The following COL5A3 variants were observed in gnomAD, a reference collection of about 807,000 sequenced individuals.
COL5A3 encodes the protein collagen alpha-3(V) chain.
COL5A3 carries 172 observed loss-of-function variants against 250.0 expected under a neutral mutation model. The ratio of observed to expected loss-of-function variants is 0.69; its 90% CI spans 0.61 to 0.78. The LOEUF is 0.78. COL5A3 is among the 30% of genes least tolerant of loss of function. The pLI is 0.00. For synonymous variants in COL5A3, 937 were observed against 900.4 expected (o/e 1.04, Z -0.73); for missense variants, 2,340 against 2,334.4 (o/e 1.00, Z -0.05).
intron 50 of COL5A3, 104 bp from the exon 51 acceptor site, chr19:9,973,130 G>T: frequency 9.4e-7 from 1 of 1,066,452 alleles, no homozygotes; most frequent in Non-Finnish European, 1.4e-6. Flanking sequence ...CTTTTCTGGG[G>T]TCAGGGTTCA....
rs1599556861 is a variant in COL5A3 at position 9,990,501 on chromosome 19, A to T, written c.1993-979T>A. Among the ~76,000 whole-genome samples, 3 of 152,108 alleles carry T rather than the reference A, an allele frequency of 2.0e-5. No individual in the cohort carries two copies. In the South Asian group the frequency reaches 6.2e-4, roughly 32 times the overall value. On this transcript the variant is annotated intron_variant, in intron 24 of 66. Coordinates refer to ENST00000264828, the MANE Select transcript of COL5A3 (RefSeq NM_015719.4). ...ACATGATTCTTATGCGCATGCCTGT[A>T]TCAAAACATCTCATGTACTCCATAA...
chr19:9,981,884 A>G (rs566485350), intron 32 of COL5A3, among the ~76,000 whole-genome samples, 181 bp downstream of exon 32: 1 of 152,374 alleles, frequency 6.6e-6, no homozygotes, highest in African/African-American at 2.4e-5. Flanking sequence ...AGTCATATTC[A>G]TGATAATACC....
chr19:9,986,531 C>T, intron 29 of COL5A3, 22 bp downstream of exon 29: 1 of 1,613,772 alleles, frequency 6.2e-7, no homozygotes, highest in Non-Finnish European at 8.5e-7. Flanking sequence ...CCACACCACC[C>T]CTCATCTGGA....
intron 51 of COL5A3, 75 bp downstream of exon 51, chr19:9,972,844 A>C: frequency 8.2e-7 from 1 of 1,215,536 alleles, no homozygotes; most frequent in Non-Finnish European, 1.1e-6. Context: ...CAAAAAAAAA[A>C]AAAAGTTTGG....
In COL5A3 at chr19:9,968,628, A is replaced by G; in HGVS notation, c.4206+47T>C. 1 of 1,600,862 alleles carries G rather than the reference A, an allele frequency of 6.2e-7. No individual in the cohort carries two copies. The highest frequency in any genetic ancestry group is 8.5e-7 in the Non-Finnish European group (1 of 1,170,214). ...CAGCCCCCCAGCCAGGGAGGGAGGG[A>G]AAGAGGGGAGGAGATGGGGAAGAGA... is the stretch of plus-strand genomic sequence containing the variant. On this transcript the variant is annotated intron_variant, in intron 58 of 66. Transcript: ENST00000264828. The surrounding 1 kb of genome is among the most constrained non-coding windows in gnomAD (Gnocchi z 4.1).
intron 64 of COL5A3, among the ~76,000 whole-genome samples, chr19:9,964,405 G>A (rs1415310722): frequency 6.6e-6 from 1 of 152,100 alleles, no homozygotes; most frequent in African/African-American, 2.4e-5. Flanking sequence ...TTCAAGACCA[G>A]CCTGGGCAAC....
chr19:10,004,200 C>T, intron 4 of COL5A3, 55 bp from the exon 5 acceptor site: 1 of 1,334,438 alleles, frequency 7.5e-7, no homozygotes, highest in South Asian at 1.2e-5. Context: ...CATAGGCTTA[C>T]TCTGACCCCC....
rs755358335 is a variant in COL5A3 at position 9,993,410 on chromosome 19, T to A, written c.1719A>T (p.Gln573His). ...GQRGDFGHVG[Q>H]PGPPGEDGER... is the part of the protein sequence containing the mutation. Reference sequence around the variant, plus strand: ...CACCATCCTCTCCTGGGGGACCGGGTTGCCCCACATGGCCAAAGTCACCCT... The same window carrying A: ...CACCATCCTCTCCTGGGGGACCGGGATGCCCCACATGGCCAAAGTCACCCT... The change falls in exon 19 of 67, where the codon CAA (glutamine) becomes CAT (histidine). Residue 573 changes from glutamine (Q) to histidine (H), a missense_variant. Gln to His is a conservative substitution (Grantham distance 24). This residue lies in a region of COL5A3 where 1,152 missense variants were observed against 1,146.3 expected (regional missense o/e 1.00). Coordinates refer to ENST00000264828, the MANE Select transcript of COL5A3 (RefSeq NM_015719.4). 5.6e-6 allele frequency: 9 copies of A among 1,614,088 alleles called. No homozygotes were observed. In the South Asian group the frequency reaches 9.9e-5, roughly 18 times the overall value.
intron 35 of COL5A3, among the ~76,000 whole-genome samples, 153 bp downstream of exon 35, chr19:9,980,495 G>T (rs890750414): frequency 6.6e-6 from 1 of 152,102 alleles, no homozygotes; most frequent in African/African-American, 2.4e-5. Flanking sequence ...CAGCATAGGT[G>T]GGACTACAGG....
At chr19:9,980,202 C>T (rs1312208233) in intron 35 of COL5A3, among the ~76,000 whole-genome samples, 155 bp from the exon 36 acceptor site, 2 of 152,216 alleles carry the variant, frequency 1.3e-5, no homozygotes, top group Non-Finnish European at 2.9e-5. Flanking sequence ...ATTTTATTCA[C>T]CACTGTAGCC....
Position 9,966,620 on chromosome 19 carries a change from G to T in COL5A3, c.4585C>A (p.Gln1529Lys). 1 of 1,538,900 alleles carries T rather than the reference G, an allele frequency of 6.5e-7. No homozygotes were observed. ...SLTSLSLELE[Q>K]LRRPPGTAER... ...GCAGTGCCGGGAGGACGCCGCAGCT[G>T]CTCCAGCTCCAAGCTCAGCGATGTG... Residue 1529 changes from glutamine (Q) to lysine (K), a missense_variant, in exon 63 of 67, where the codon CAG becomes AAG. Around this residue, in one of 3 missense-constraint regions of COL5A3, gnomAD observed 1,179 missense variants for 1,162.6 expected, o/e 1.01. Transcript: ENST00000264828.
intron 27 of COL5A3, among the ~76,000 whole-genome samples, chr19:9,988,717 G>A (rs548943868): frequency 6.0e-5 from 9 of 151,068 alleles, no homozygotes; most frequent in Non-Finnish European, 1.3e-4. Context: ...TGCAGTCCCA[G>A]CTACTCAGGA....
chr19:9,959,701 G>A lies in COL5A3; in HGVS notation c.*710C>T, dbSNP rs1252491910. ...GAAGCAGATGAAATCTACAACAGGGGGGACTTTCCCTTTTAATACAGACCC... is the reference window on the plus strand; with the variant it reads ...GAAGCAGATGAAATCTACAACAGGGAGGACTTTCCCTTTTAATACAGACCC... On this transcript the variant is annotated 3_prime_UTR_variant, in exon 67 of 67. Transcript: ENST00000264828. The A allele has an allele frequency of 6.6e-6, 1 of 152,540 alleles. No homozygotes were observed. Among genetic ancestry groups the A allele is most frequent in the Non-Finnish European group, 1.5e-5 (1 of 68,070 alleles). The allele number at this position is 152,540 out of a possible 1,614,324, so 9.4% of individuals were successfully genotyped here.
chr19:9,971,177 C>T, intron 52 of COL5A3, 28 bp downstream of exon 52: 1 of 1,532,250 alleles, frequency 6.5e-7, no homozygotes. Context: ...AGGAAATATG[C>T]CAGGATTGGG....
intron 45 of COL5A3, 52 bp from the exon 46 acceptor site, chr19:9,974,460 C>T (rs576610594): frequency 7.3e-7 from 1 of 1,365,710 alleles, no homozygotes; most frequent in South Asian, 1.4e-5. Context: ...GTGATTAGGG[C>T]AGAGTGAGGC....
At chr19:9,971,108 GT>G in intron 52 of COL5A3, 80 bp from the exon 53 acceptor site, 5 of 1,419,322 alleles carry the variant, frequency 3.5e-6, no homozygotes, top group South Asian at 1.4e-5. Flanking sequence ...GCAAAAGAAC[GT>G]TTTTGGTTCC....
rs748494426 is a variant in COL5A3, at chr19:9,976,577, G to A, written c.3323C>T (p.Ala1108Val). Reference sequence around the variant, plus strand: ...ACTCACCGGGGGACCTGGGTGTCCTGCAGGACCCCGTATCCCTGGTTGTCC... The same window carrying A: ...ACTCACCGGGGGACCTGGGTGTCCTACAGGACCCCGTATCCCTGGTTGTCC... ...PPGQPGIRGP[A>V]GHPGPPGADG... is the part of the protein sequence containing the mutation. Residue 1108 changes from alanine to valine, a missense_variant, in exon 45 of 67, where the codon GCA (alanine) becomes GTA (valine). Coordinates refer to ENST00000264828, the MANE Select transcript of COL5A3 (RefSeq NM_015719.4). 1.9e-6 allele frequency: 3 copies of A among 1,569,312 alleles called. No individual in the cohort carries two copies. Among genetic ancestry groups the A allele is most frequent in the South Asian group, 1.2e-5 (1 of 82,504 alleles).
At chr19:9,966,502 C>A (rs904611669) in intron 63 of COL5A3, 34 bp downstream of exon 63, 2 of 1,554,618 alleles carry the variant, frequency 1.3e-6, no homozygotes, top group East Asian at 2.4e-5. Context: ...ACCCCCACTC[C>A]GCCCATCCAA....
At position 9,969,850 on chromosome 19, in the gene COL5A3, C is replaced by T. The variant is rs529715383; in HGVS notation, c.3990+19G>A. 1 of 1,613,792 alleles carries T rather than the reference C, an allele frequency of 6.2e-7. No individual in the cohort carries two copies. Among genetic ancestry groups the T allele is most frequent in the South Asian group, 1.1e-5 (1 of 91,068 alleles). On this transcript the variant is annotated intron_variant, in intron 55 of 66. Transcript: ENST00000264828. ...CCTAGAGTAGTGCAGGGACCCTTCC[C>T]CTTGCCAGGGGGACTCACCTTGGCA...
Sources: gnomAD v4.1 joint callset for allele counts (sites outside exome capture counted in the v4.1 genomes callset) on GRCh38, gnomAD v4.1.1 for gene constraint, gnomAD v4.1.1 regional missense constraint, Gnocchi (gnomAD v3.1) non-coding constraint, MANE v1.5 for transcripts, NCBI Gene and HGNC (gene_info 2026-07-23, HGNC 2026-07-21) for gene names.